RAD18: variants seen among roughly 807,000 people sequenced by gnomAD.
RAD18 encodes the protein RAD18 E3 ubiquitin protein ligase.
Under a neutral mutation model 60.4 loss-of-function variants are expected in RAD18, and 47 were observed. The ratio of observed to expected loss-of-function variants is 0.78; its 90% CI spans 0.62 to 0.99. The LOEUF (loss-of-function observed/expected upper bound fraction) is 0.99. Ranked by LOEUF, RAD18 falls within the 50% of genes least tolerant of loss-of-function variation. RAD18 has a pLI of 0.00. For missense variants in RAD18, 640 were observed against 593.3 expected, an observed-to-expected ratio of 1.08 and a Z score of -0.82; for synonymous variants, 225 against 195.5, an observed-to-expected ratio of 1.15 and a Z score of -1.26.
chr3:8,929,286 A>C (rs1331926434), intron 7 of RAD18, among the ~76,000 whole-genome samples: 2 of 152,150 alleles, frequency 1.3e-5, no homozygotes, highest in African/African-American at 2.4e-5. Flanking sequence ...CAATTTGAGA[A>C]AAATGAAGCT....
chr3:8,940,348 G>A (rs1404337147), intron 5 of RAD18, among the ~76,000 whole-genome samples: 6 of 152,036 alleles, frequency 3.9e-5, no homozygotes, highest in African/African-American at 1.2e-4. Flanking sequence ...GGGAAAAAAG[G>A]TTCCGCTAGG....
chr3:8,910,896 C>T (rs1940095203), intron 9 of RAD18, among the ~76,000 whole-genome samples: 1 of 152,126 alleles, frequency 6.6e-6, no homozygotes, highest in Non-Finnish European at 1.5e-5. Context: ...CCAAAAGTAG[C>T]ACCAAATGGC....
intron 7 of RAD18, among the ~76,000 whole-genome samples, chr3:8,934,290 TTCTAC>T (rs781257480): frequency 2.6e-5 from 4 of 152,224 alleles, no homozygotes; most frequent in Non-Finnish European, 5.9e-5. Flanking sequence ...TTTTAGGAAC[TTCTAC>T]TCTTCAATGA....
At chr3:8,949,159 G>A (rs1223104368) in intron 2 of RAD18, among the ~76,000 whole-genome samples, 3 of 152,128 alleles carry the variant, frequency 2.0e-5, no homozygotes, top group African/African-American at 4.8e-5. Context: ...AGCAGGAAAT[G>A]GGCACAAACT....
chr3:8,913,816 G>A, intron 7 of RAD18, 96 bp from the exon 8 acceptor site: 1 of 731,302 alleles, frequency 1.4e-6, no homozygotes, highest in Non-Finnish European at 2.1e-6. Context: ...AAGAAGATGG[G>A]TGATGGGTAT....
chr3:8,933,003 G>A (rs949722693), intron 7 of RAD18, among the ~76,000 whole-genome samples: 1 of 152,098 alleles, frequency 6.6e-6, no homozygotes, highest in South Asian at 2.1e-4. Flanking sequence ...GGCTGAGGCA[G>A]GAGAATCGCT....
intron 2 of RAD18, among the ~76,000 whole-genome samples, chr3:8,949,264 A>G (rs1376914849): frequency 6.6e-6 from 1 of 152,206 alleles, no homozygotes; most frequent in African/African-American, 2.4e-5. Context: ...TACCTAAGCT[A>G]ATTTACTAGT....
At position 8,958,938 on chromosome 3, in the gene RAD18, G is replaced by T. The variant is rs748602310; in HGVS notation, c.115C>A (p.Pro39Thr). Residue 39 changes from proline to threonine, a missense_variant, in exon 2 of 13, where the codon CCT becomes ACT. Physicochemically the swap from Pro to Thr is conservative, Grantham distance 38. Transcript: ENST00000264926. The stretch of plus-strand genomic sequence containing the variant: ...TACTTACAGTTATGTGAACACTGAG[G>T]TATTATCATTGCAATGTTGAAATAC... The part of the protein sequence containing the change: ...FEYFNIAMII[P>T]QCSHNYCSLC... The T allele has an allele frequency of 5.6e-6, 9 of 1,613,162 alleles. No individual in the cohort carries two copies. The highest frequency in any genetic ancestry group is 6.8e-6 in the Non-Finnish European group (8 of 1,179,236).
At position 8,910,437 on chromosome 3, in the gene RAD18, A is replaced by G. The variant is rs541634509; in HGVS notation, c.1027+1875T>C. ...AACACGGTGAAACCCCGTCTCTACT[A>G]AAAATACAAAAAACTAGCCAGGCGT... On this transcript the variant is annotated intron_variant, in intron 9 of 12. Transcript: ENST00000264926. Among the ~76,000 whole-genome samples, 594 of 152,248 alleles carry G rather than the reference A, an allele frequency of 3.9e-3. 4 individuals are homozygous for G. Among genetic ancestry groups the G allele is most frequent in the African/African-American group, 0.014 (573 of 41,550 alleles).
Position 8,881,462 on chromosome 3 carries a change from G to A in RAD18, c.1386-3C>T. 3.1e-6 allele frequency: 5 copies of A among 1,589,258 alleles called. No homozygotes were observed. The highest frequency in any genetic ancestry group is 3.5e-6 in the Non-Finnish European group (4 of 1,158,704). On this transcript the variant is annotated splice_polypyrimidine_tract_variant and splice_region_variant and intron_variant, in intron 12 of 12. Coordinates refer to ENST00000264926, the MANE Select transcript of RAD18 (RefSeq NM_020165.4). ...TTTCTGTGTCTTGAAGATCGTTTCT[G>A]AAGACAGAAAAAGGAAATGACATCT...
At chr3:8,944,658 G>T (rs1940811294) in intron 4 of RAD18, among the ~76,000 whole-genome samples, 1 of 150,738 alleles carries the variant, frequency 6.6e-6, no homozygotes. Flanking sequence ...AAAGCAGAGA[G>T]GGAGGGAGGG....
chr3:8,882,597 C>G (rs1939487280), intron 12 of RAD18, among the ~76,000 whole-genome samples: 1 of 152,158 alleles, frequency 6.6e-6, no homozygotes, highest in African/African-American at 2.4e-5. Context: ...TAAGCAGGAG[C>G]AGGAAATGGC....
chr3:8,935,178 A>C (rs1292521778), intron 7 of RAD18, among the ~76,000 whole-genome samples: 1 of 152,222 alleles, frequency 6.6e-6, no homozygotes, highest in Non-Finnish European at 1.5e-5. Flanking sequence ...CAATACACTT[A>C]TAATTTGTGT....
intron 2 of RAD18, among the ~76,000 whole-genome samples, chr3:8,950,675 C>T (rs1033641323): frequency 2.6e-5 from 4 of 152,170 alleles, no homozygotes; most frequent in Non-Finnish European, 4.4e-5. Flanking sequence ...TTTGAAGAAA[C>T]TGAGCAAGCA....
intron 11 of RAD18, among the ~76,000 whole-genome samples, 165 bp downstream of exon 11, chr3:8,898,729 C>T (rs941964916): frequency 3.9e-5 from 6 of 152,154 alleles, no homozygotes; most frequent in Non-Finnish European, 8.8e-5. Flanking sequence ...CCAAATCCTG[C>T]CTTGTTATCA....
chr3:8,923,569 C>A (rs1166383397), intron 7 of RAD18, among the ~76,000 whole-genome samples: 1 of 151,980 alleles, frequency 6.6e-6, no homozygotes, highest in African/African-American at 2.4e-5. Flanking sequence ...GAGAACGCCA[C>A]AGAGATACTC....
Position 8,958,142 on chromosome 3 carries a change from G to T in RAD18, c.133+778C>A, listed in dbSNP as rs772827659. Among the ~76,000 whole-genome samples the T allele has an allele frequency of 1.3e-3, 194 of 152,290 alleles. 1 individual carries two copies. The highest frequency in any genetic ancestry group is 4.5e-3 in the African/African-American group (185 of 41,560). On this transcript the variant is annotated intron_variant, in intron 2 of 12. Coordinates refer to ENST00000264926, the MANE Select transcript of RAD18 (RefSeq NM_020165.4). ...AAGCCCAAGGGCATCTGCAATGCCCGTGCTGCCGTCACTGCTACCCTCTTA... is the reference window on the plus strand; with the variant it reads ...AAGCCCAAGGGCATCTGCAATGCCCTTGCTGCCGTCACTGCTACCCTCTTA...
intron 7 of RAD18, among the ~76,000 whole-genome samples, chr3:8,921,103 A>G (rs12636873): frequency 0.13 from 19,270 of 152,224 alleles, 1,409 homozygotes; most frequent in East Asian, 0.23. Flanking sequence ...ATATGTGTGT[A>G]ATTATATGGA....
At chr3:8,916,012 C>A (rs1056311836) in intron 7 of RAD18, among the ~76,000 whole-genome samples, 1 of 152,188 alleles carries the variant, frequency 6.6e-6, no homozygotes, top group Non-Finnish European at 1.5e-5. Flanking sequence ...AAGAGAACCA[C>A]CCCCACTGCA....
Sources: allele counts gnomAD v4.1 joint callset (sites outside exome capture counted in the v4.1 genomes callset), GRCh38; gene constraint gnomAD v4.1.1; transcripts MANE v1.5; gene names NCBI Gene and HGNC (gene_info 2026-07-23, HGNC 2026-07-21).